The following KANSL1L variants were observed in gnomAD, a reference collection of about 807,000 sequenced individuals.
KANSL1L encodes KAT8 regulatory NSL complex subunit 1 like.
KANSL1L carries 25 observed loss-of-function variants against 108.6 expected under a neutral mutation model. The observed-to-expected ratio is 0.23, with a 90% CI of 0.17 to 0.32. The LOEUF (loss-of-function observed/expected upper bound fraction) is 0.32. KANSL1L is among the 10% of genes least tolerant of loss of function. The probability of loss-of-function intolerance (pLI) is 1.00; values close to 1 mark genes in which losing one functional copy is unlikely to be tolerated. For missense variants in KANSL1L, 1,137 were observed against 1,125.7 expected (o/e 1.01, Z -0.14); for synonymous variants, 405 against 395.1 (o/e 1.03, Z -0.30).
intron 2 of KANSL1L, among the ~76,000 whole-genome samples, chr2:210,145,832 T>C (rs566257863): frequency 1.8e-4 from 27 of 152,004 alleles, no homozygotes; most frequent in African/African-American, 6.3e-4. Context: ...GAGGTGAGAG[T>C]ATGCATAGTG....
At chr2:210,057,790 A>C (rs999645463) in intron 6 of KANSL1L, among the ~76,000 whole-genome samples, 5 of 152,204 alleles carry the variant, frequency 3.3e-5, no homozygotes, top group African/African-American at 1.2e-4. Context: ...TAAATTGTGA[A>C]GATTTCATGG....
chr2:210,149,052 G>A (rs562488977), intron 2 of KANSL1L, among the ~76,000 whole-genome samples: 2 of 151,794 alleles, frequency 1.3e-5, no homozygotes, highest in Non-Finnish European at 2.9e-5. Context: ...ATGGGGGGAG[G>A]GGGTCTATGA....
At chr2:210,040,591 T>C (rs1170534577) in intron 7 of KANSL1L, 64 bp from the exon 8 acceptor site, 13 of 674,768 alleles carry the variant, frequency 1.9e-5, no homozygotes, top group South Asian at 5.4e-5. Flanking sequence ...GGATTACAGA[T>C]TGTAACATTA....
intron 6 of KANSL1L, among the ~76,000 whole-genome samples, chr2:210,052,178 A>G (rs2094300747): frequency 6.6e-6 from 1 of 151,228 alleles, no homozygotes; most frequent in Non-Finnish European, 1.5e-5. Context: ...TCATTTTTAA[A>G]TTTTCTGTAG....
chr2:210,157,766 C>T (rs1386240661), intron 1 of KANSL1L, among the ~76,000 whole-genome samples: 1 of 143,932 alleles, frequency 6.9e-6, no homozygotes, highest in Non-Finnish European at 1.5e-5. Flanking sequence ...AATCCCAGCA[C>T]TCTGGGAGGC....
At chr2:210,066,418 A>C (rs1205265913) in intron 6 of KANSL1L, among the ~76,000 whole-genome samples, 3 of 152,268 alleles carry the variant, frequency 2.0e-5, no homozygotes, top group African/African-American at 7.2e-5. Flanking sequence ...TAGATGGCCA[A>C]AACAACGGGG....
At chr2:210,171,995 T>TG (rs1553686874), upstream of KANSL1L, among the ~76,000 whole-genome samples, 1 of 145,648 alleles carries the variant, frequency 6.9e-6, no homozygotes, top group Admixed American at 6.8e-5. Flanking sequence ...GTTTTATGAT[T>TG]AAAAAAAAAA....
intron 1 of KANSL1L, among the ~76,000 whole-genome samples, chr2:210,157,689 C>CAGA (rs1475780840): frequency 2.5e-5 from 1 of 39,268 alleles, no homozygotes; most frequent in East Asian, 1.0e-3. Flanking sequence ...AACACTGTCA[C>CAGA]AGAAAAAAAA....
At chr2:210,104,373 C>A (rs1349322562) in intron 3 of KANSL1L, 72 bp from the exon 4 acceptor site, 8 of 1,018,508 alleles carry the variant, frequency 7.9e-6, no homozygotes, top group South Asian at 1.4e-5. Flanking sequence ...TGCTACAATG[C>A]ACTTGAATCT....
In KANSL1L at chr2:210,021,894, T is replaced by C. The variant is rs2093862196; in HGVS notation, c.*1055A>G. On this transcript the variant is annotated 3_prime_UTR_variant, in exon 15 of 15. Coordinates refer to ENST00000281772, the MANE Select transcript of KANSL1L (RefSeq NM_152519.4). Reference sequence around the variant, plus strand: ...TTCCAATCTAGGATGCAAGCAAGAATATATGTTTATTTGAATAGAGTAAGC... The same window carrying C: ...TTCCAATCTAGGATGCAAGCAAGAACATATGTTTATTTGAATAGAGTAAGC... 1 of 151,406 alleles carries C rather than the reference T, an allele frequency of 6.6e-6. No individual in the cohort carries two copies. The allele number at this position is 151,406 out of a possible 1,614,324, so 9.4% of individuals were successfully genotyped here.
intron 2 of KANSL1L, chr2:210,152,092 C>T (rs184761421): frequency 6.6e-6 from 1 of 152,122 alleles, no homozygotes; most frequent in East Asian, 1.9e-4. Flanking sequence ...AAGCCTAGTG[C>T]CCATTAGTTA....
At chr2:210,063,707 T>G (rs959915074) in intron 6 of KANSL1L, 2 of 152,220 alleles carry the variant, frequency 1.3e-5, no homozygotes, top group Non-Finnish European at 2.9e-5. Flanking sequence ...TTTTTCCCAT[T>G]TGGAATGGCC....
In KANSL1L at chr2:210,044,747, G is replaced by A. The variant is rs1575407931; in HGVS notation, c.1756-643C>T. Among the ~76,000 whole-genome samples the A allele has an allele frequency of 6.6e-6, 1 of 151,892 alleles. No homozygotes were observed. Among genetic ancestry groups the A allele is most frequent in the African/African-American group, 2.4e-5 (1 of 41,372 alleles). On this transcript the variant is annotated intron_variant, in intron 6 of 14. Coordinates refer to ENST00000281772, the MANE Select transcript of KANSL1L (RefSeq NM_152519.4). This position sits in a 1 kb window ranked among gnomAD's most constrained non-coding sequence, Gnocchi z 4.2. ...TTTCTTCTGTACTCTATTATAAAGT[G>A]ACAAATTGCATTAACAGATTTTATT... is the stretch of plus-strand genomic sequence containing the variant.
intron 5 of KANSL1L, among the ~76,000 whole-genome samples, chr2:210,090,230 T>C (rs1383038947): frequency 6.6e-6 from 1 of 152,206 alleles, no homozygotes; most frequent in Non-Finnish European, 1.5e-5. Flanking sequence ...GAGTTTCATT[T>C]ACTTCTCACA....
At chr2:210,031,283 C>G (rs571751353) in intron 9 of KANSL1L, 138 bp downstream of exon 9, 7 of 597,658 alleles carry the variant, frequency 1.2e-5, no homozygotes, top group Non-Finnish European at 1.7e-5. Context: ...TATGCTGTTT[C>G]ATGTTTGTAG....
At chr2:210,087,403 T>G (rs979823498) in intron 5 of KANSL1L, among the ~76,000 whole-genome samples, 1 of 152,158 alleles carries the variant, frequency 6.6e-6, no homozygotes, top group Non-Finnish European at 1.5e-5. Flanking sequence ...ATGTCATCTA[T>G]CACATTGGTT....
intron 1 of KANSL1L, among the ~76,000 whole-genome samples, chr2:210,162,268 TAAAG>T (rs1281032221): frequency 1.8e-4 from 18 of 97,712 alleles, no homozygotes; most frequent in African/African-American, 6.3e-4. Flanking sequence ...ATTAAAAAAT[TAAAG>T]AACTTGTTTC....
At chr2:210,171,894 G>C (rs1271955318), upstream of KANSL1L, 1 of 151,956 alleles carries the variant, frequency 6.6e-6, no homozygotes, top group Non-Finnish European at 1.5e-5. Flanking sequence ...GCTTTTATTT[G>C]GGCCGTGCGT....
Position 210,084,409 on chromosome 2 carries a change from C to T in KANSL1L, c.1551-8653G>A, listed in dbSNP as rs527395630. Among the ~76,000 whole-genome samples, 9 of 152,012 alleles carry T rather than the reference C, an allele frequency of 5.9e-5. No homozygotes were observed. In the East Asian group the frequency reaches 1.2e-3, roughly 20 times the overall value. ...TGCACTCCAGTCTGGGCAACAAGAGCGAGACTCCGTCTTAGAAAGAAAAAT... is the reference window on the plus strand; with the variant it reads ...TGCACTCCAGTCTGGGCAACAAGAGTGAGACTCCGTCTTAGAAAGAAAAAT... On this transcript the variant is annotated intron_variant, in intron 5 of 14. Transcript: ENST00000281772.
Sources: gnomAD v4.1 joint callset for allele counts (sites outside exome capture counted in the v4.1 genomes callset) on GRCh38, gnomAD v4.1.1 for gene constraint, Gnocchi (gnomAD v3.1) non-coding constraint, MANE v1.5 for transcripts, NCBI Gene and HGNC (gene_info 2026-07-23, HGNC 2026-07-21) for gene names.